The following SLC8B1 variants were observed in gnomAD, a reference collection of about 807,000 sequenced individuals.
The protein encoded by SLC8B1 is mitochondrial sodium/calcium exchanger protein.
In SLC8B1, 52 loss-of-function variants were observed where a neutral mutation model predicts 63.4. The observed-to-expected ratio is 0.82, with a 90% CI of 0.66 to 1.03. SLC8B1 has a LOEUF of 1.03. Ranked by LOEUF, SLC8B1 falls within the 50% of genes least tolerant of loss-of-function variation. SLC8B1 has a pLI of 0.00. For missense variants in SLC8B1, 657 were observed against 741.7 expected (o/e 0.89, Z 1.33); for synonymous variants, 336 against 323.9 (o/e 1.04, Z -0.40).
At position 113,307,110 on chromosome 12, in the gene SLC8B1, C is replaced by CAAAAA. The variant is rs67032040; in HGVS notation, c.1412-540_1412-536dup. On this transcript the variant is annotated intron_variant, in intron 13 of 15. Transcript: ENST00000680972. Reference sequence around the variant, plus strand: ...TGGGCGACAGAGCAAGCCTCCATCTCAAAAAAAAAAAAAAAAAAAAAAAAA... The same window carrying CAAAAA: ...TGGGCGACAGAGCAAGCCTCCATCTCAAAAAAAAAAAAAAAAAAAAAAAAAAAAAA... Among the ~76,000 whole-genome samples the CAAAAA allele has an allele frequency of 6.3e-3, 115 of 18,208 alleles. 43 individuals are homozygous for CAAAAA. The highest frequency in any genetic ancestry group is 0.016 in the East Asian group (6 of 364). The allele number at this position is 18,208 out of a possible 152,430, so 11.9% of individuals were successfully genotyped here. A position where few individuals can be genotyped will look rare whatever the true frequency, so the allele number is the denominator to read the frequency against.
intron 11 of SLC8B1, among the ~76,000 whole-genome samples, chr12:113,311,965 C>G (rs1250189441): frequency 6.6e-6 from 1 of 152,064 alleles, no homozygotes; most frequent in Non-Finnish European, 1.5e-5. Flanking sequence ...TTTGCCACTC[C>G]TGTGCTAGAG....
Position 113,321,364 on chromosome 12 carries a change from G to A in SLC8B1, c.157-16C>T, listed in dbSNP as rs771336350. 6.2e-7 allele frequency: 1 copy of A among 1,614,116 alleles called. No homozygotes were observed. Among genetic ancestry groups the A allele is most frequent in the Admixed American group, 1.7e-5 (1 of 60,012 alleles). Reference sequence around the variant, plus strand: ...CCTTGCGGCACTGCAGGAAGACAGGGAGGGGGACATCAGCGGCAGAGACTT... The same window carrying A: ...CCTTGCGGCACTGCAGGAAGACAGGAAGGGGGACATCAGCGGCAGAGACTT... On this transcript the variant is annotated splice_polypyrimidine_tract_variant and intron_variant, in intron 2 of 15. Coordinates refer to ENST00000680972, the MANE Select transcript of SLC8B1 (RefSeq NM_001358345.2).
At chr12:113,323,633 C>G (rs1482786404) in intron 2 of SLC8B1, among the ~76,000 whole-genome samples, 1 of 151,966 alleles carries the variant, frequency 6.6e-6, no homozygotes, top group Non-Finnish European at 1.5e-5. Flanking sequence ...CGCTTGAACC[C>G]AGGAGGCAGA....
At chr12:113,308,117 C>CG (rs1956701893) in intron 12 of SLC8B1, 1 of 299,386 alleles carries the variant, frequency 3.3e-6, no homozygotes, top group African/African-American at 2.2e-5. Flanking sequence ...GAGGCCGAGG[C>CG]GGGCAGATCA....
intron 11 of SLC8B1, among the ~76,000 whole-genome samples, chr12:113,313,052 C>T (rs1312232049): frequency 6.6e-6 from 1 of 152,008 alleles, no homozygotes; most frequent in African/African-American, 2.4e-5. Flanking sequence ...ATTACAGACA[C>T]CCATCACCAT....
intron 14 of SLC8B1, among the ~76,000 whole-genome samples, chr12:113,306,015 C>T (rs949085383): frequency 6.8e-6 from 1 of 147,850 alleles, no homozygotes; most frequent in Admixed American, 6.9e-5. Context: ...GCCAAGATCA[C>T]GCCACCGCAC....
chr12:113,315,222 G>A, intron 11 of SLC8B1, 113 bp downstream of exon 11: 1 of 1,120,320 alleles, frequency 8.9e-7, no homozygotes, highest in Non-Finnish European at 1.2e-6. Flanking sequence ...AGAGGTGGAG[G>A]GAGGTTGCAG....
intron 2 of SLC8B1, among the ~76,000 whole-genome samples, chr12:113,328,898 TCCA>T (rs1276380387): frequency 6.6e-6 from 1 of 151,938 alleles, no homozygotes. Context: ...ATTGCAGACG[TCCA>T]CCACCATGCC....
At chr12:113,329,300 G>T (rs1957031005) in intron 2 of SLC8B1, among the ~76,000 whole-genome samples, 1 of 152,102 alleles carries the variant, frequency 6.6e-6, no homozygotes, top group African/African-American at 2.4e-5. Flanking sequence ...TCCAAACTCA[G>T]CTCCGCCTGA....
chr12:113,312,169 C>T (rs889800588), intron 11 of SLC8B1, among the ~76,000 whole-genome samples: 4 of 152,116 alleles, frequency 2.6e-5, no homozygotes, highest in East Asian at 3.9e-4. Context: ...TGCGGTGGCT[C>T]ACACCTATAA....
chr12:113,329,320 G>A (rs113498388), intron 2 of SLC8B1, among the ~76,000 whole-genome samples: 3,845 of 152,184 alleles, frequency 0.025, 147 homozygotes, highest in African/African-American at 0.087. Flanking sequence ...AAAGTTACTC[G>A]CTGAAGCTCC....
intron 10 of SLC8B1, 76 bp downstream of exon 10, chr12:113,316,450 A>C: frequency 1.3e-6 from 2 of 1,531,976 alleles, no homozygotes; most frequent in Non-Finnish European, 1.8e-6. Context: ...TCCCCCTCGT[A>C]GAGCTGGAGA....
Position 113,321,064 on chromosome 12 carries a change from T to A in SLC8B1, c.354A>T (p.Ala118=), listed in dbSNP as rs574975162. 4.8e-5 allele frequency: 77 copies of A among 1,613,062 alleles called. No homozygotes were observed. The Middle Eastern group carries it at 9.9e-4, about 21-fold the overall frequency. Residue 118 remains alanine (A), a synonymous_variant, in exon 4 of 16, where the codon GCA becomes GCT. Transcript: ENST00000680972. ...LYLFLILGVT[A]AKFFCPNLSA... is the part of the protein sequence containing the mutation. ...CCCAGAGCCAAACTCACAACTTGGC[T>A]GCGGTGACTCCCAGAATCAGAAACA...
Position 113,320,708 on chromosome 12 carries a change from G to A in SLC8B1, c.421-22C>T, listed in dbSNP as rs770434693. 22 of 1,609,012 alleles carry A rather than the reference G, an allele frequency of 1.4e-5. No individual in the cohort carries two copies. The highest frequency in any genetic ancestry group is 1.7e-5 in the Admixed American group (1 of 58,904). Reference sequence around the variant, plus strand: ...CGCCATGTGGGGAGCATGTCAAGGCGGGCCAGGATCGCAGCTGCAGCCCAC... The same window carrying A: ...CGCCATGTGGGGAGCATGTCAAGGCAGGCCAGGATCGCAGCTGCAGCCCAC... On this transcript the variant is annotated intron_variant, in intron 5 of 15. Transcript: ENST00000680972. This position sits in a 1 kb window ranked among gnomAD's most constrained non-coding sequence, Gnocchi z 5.3.
At chr12:113,328,869 A>G (rs1456945101) in intron 2 of SLC8B1, among the ~76,000 whole-genome samples, 1 of 151,254 alleles carries the variant, frequency 6.6e-6, no homozygotes, top group Non-Finnish European at 1.5e-5. Context: ...CTCCTACCTC[A>G]GCCTCCCGAG....
In SLC8B1 at chr12:113,299,614, G is replaced by T; in HGVS notation, c.*163C>A. ...GGGTGCTGGCAGCAAGAGGTACACA[G>T]CAGTTCTCCCAGCTCACAGCAGTGA... On this transcript the variant is annotated 3_prime_UTR_variant, in exon 16 of 16. Coordinates refer to ENST00000680972, the MANE Select transcript of SLC8B1 (RefSeq NM_001358345.2). 1 of 671,380 alleles carries T rather than the reference G, an allele frequency of 1.5e-6. No individual in the cohort carries two copies. Among genetic ancestry groups the T allele is most frequent in the South Asian group, 1.8e-5 (1 of 56,262 alleles). 41.6% of individuals were successfully genotyped at this position (671,380 alleles called of 1,614,324 possible). A position where few individuals can be genotyped will look rare whatever the true frequency, so the allele number is the denominator to read the frequency against.
Position 113,299,564 on chromosome 12 carries a change from C to T in SLC8B1, c.*213G>A, listed in dbSNP as rs1956539831. The T allele has an allele frequency of 8.7e-6, 5 of 573,164 alleles. No individual in the cohort carries two copies. Among genetic ancestry groups the T allele is most frequent in the Non-Finnish European group, 1.6e-5 (5 of 320,868 alleles). The allele number at this position is 573,164 out of a possible 1,614,324, so 35.5% of individuals were successfully genotyped here. ...CTTTGTCCAGAGCAAAGCCAGGTTT[C>T]CAAGGTCCCCACGGCAAGGCTGTTG... On this transcript the variant is annotated 3_prime_UTR_variant, in exon 16 of 16. Transcript: ENST00000680972.
chr12:113,333,320 C>T (rs1251734180), intron 1 of SLC8B1, among the ~76,000 whole-genome samples: 3 of 152,106 alleles, frequency 2.0e-5, no homozygotes, highest in Admixed American at 6.6e-5. Flanking sequence ...GGGCAGTGGG[C>T]GGGATTGCAG....
intron 11 of SLC8B1, among the ~76,000 whole-genome samples, chr12:113,310,640 C>T (rs147929561): frequency 8.7e-4 from 132 of 152,310 alleles, no homozygotes; most frequent in African/African-American, 2.9e-3. Flanking sequence ...TCATGGCAGA[C>T]ATCACTAATC....
Sources: allele counts gnomAD v4.1 joint callset (sites outside exome capture counted in the v4.1 genomes callset), GRCh38; gene constraint gnomAD v4.1.1; non-coding constraint Gnocchi (gnomAD v3.1); transcripts MANE v1.5; gene names NCBI Gene and HGNC (gene_info 2026-07-23, HGNC 2026-07-21).